COL6A3: variants seen among roughly 807,000 people sequenced by gnomAD.
The protein encoded by COL6A3 is collagen type VI alpha 3 chain, also known as collagen alpha-3(VI) chain.
Under a neutral mutation model 274.1 loss-of-function variants are expected in COL6A3, and 137 were observed. The observed-to-expected ratio is 0.50, with a 90% CI of 0.44 to 0.58. The LOEUF is 0.58. COL6A3 is among the 20% of genes least tolerant of loss of function. The pLI is 0.00. For synonymous variants in COL6A3, 1,650 were observed against 1,650.6 expected (o/e 1.00, Z 0.01); for missense variants, 3,950 against 4,124.9 (o/e 0.96, Z 1.16).
chr2:237,332,117 A>ATATATATATTATATATATATG (rs35490728), intron 42 of COL6A3, among the ~76,000 whole-genome samples: 2 of 64,170 alleles, frequency 3.1e-5, no homozygotes, highest in African/African-American at 4.8e-5. Flanking sequence ...ATATATATAT[A>ATATATATATTATATATATATG]TGAAAAGAAA....
intron 1 of COL6A3, among the ~76,000 whole-genome samples, chr2:237,398,976 C>T (rs1559285018): frequency 6.6e-6 from 1 of 152,174 alleles, no homozygotes; most frequent in Non-Finnish European, 1.5e-5. Flanking sequence ...TTTATCTTTA[C>T]ATTATCCTTA....
chr2:237,368,674 G>A lies in COL6A3; in HGVS notation c.4789C>T (p.Arg1597Ter), dbSNP rs758626447. 9 of 1,614,014 alleles carry A rather than the reference G, an allele frequency of 5.6e-6. No homozygotes were observed. Among genetic ancestry groups the A allele is most frequent in the African/African-American group, 2.7e-5 (2 of 74,890 alleles). ...ATGTTGGGAAGCTCTCTGAACTCTC[G>A]CACTGTGAAGACCAGTCTGGGGTCA... ...TNDPRLVFTVREFRELPNIEE... is the reference protein window; with the variant it reads ...TNDPRLVFTV The change falls in exon 10 of 44, where the codon CGA becomes TGA. Residue 1597 changes from arginine (R) to a stop codon, truncating the protein, a stop_gained. Coordinates refer to ENST00000295550, the MANE Select transcript of COL6A3 (RefSeq NM_004369.4). LOFTEE classifies it high-confidence loss of function. The surrounding 1 kb of genome is among the most constrained non-coding windows in gnomAD (Gnocchi z 4.4).
intron 38 of COL6A3, among the ~76,000 whole-genome samples, chr2:237,339,961 G>A (rs113080252): frequency 6.6e-6 from 1 of 152,116 alleles, no homozygotes; most frequent in African/African-American, 2.4e-5. Flanking sequence ...GCTGAAGTGC[G>A]GTGGAGAGCA....
Position 237,374,951 on chromosome 2 carries a change from A to G in COL6A3, c.3140T>C (p.Leu1047Ser), listed in dbSNP as rs1229508592. The change falls in exon 8 of 44, where the codon TTG becomes TCG. Residue 1047 changes from leucine (L) to serine (S), a missense_variant. By Grantham distance (145) the Leu-to-Ser change is moderately radical (BLOSUM62 -2). Coordinates refer to ENST00000295550, the MANE Select transcript of COL6A3 (RefSeq NM_004369.4). The surrounding 1 kb of genome is among the most constrained non-coding windows in gnomAD (Gnocchi z 4.8). ...CACCACTCTCTGGACAAACTCTTTC[A>G]ACAGAGGGAAGCCGCTCCTGACGCC... The part of the protein sequence containing the change: ...SEGVRSGFPL[L>S]KEFVQRVVES... 6.2e-7 allele frequency: 1 copy of G among 1,613,714 alleles called. No individual in the cohort carries two copies. Among genetic ancestry groups the G allele is most frequent in the African/African-American group, 1.3e-5 (1 of 74,822 alleles).
In COL6A3 at chr2:237,364,826, T is replaced by C. The variant is rs904655743; in HGVS notation, c.5839-398A>G. On this transcript the variant is annotated intron_variant, in intron 12 of 43. Coordinates refer to ENST00000295550, the MANE Select transcript of COL6A3 (RefSeq NM_004369.4). The surrounding 1 kb of genome is among the most constrained non-coding windows in gnomAD (Gnocchi z 4.6). The stretch of plus-strand genomic sequence containing the variant: ...GCATGTGTGTGCACGTGTGTGTGCA[T>C]GTGTGGGTGTGTGGGTGTACATGTG... Among the ~76,000 whole-genome samples the C allele has an allele frequency of 6.7e-6, 1 of 149,392 alleles. No homozygotes were observed. Among genetic ancestry groups the C allele is most frequent in the African/African-American group, 2.5e-5 (1 of 40,478 alleles).
At chr2:237,336,635 T>C in intron 39 of COL6A3, 103 bp from the exon 40 acceptor site, 2 of 1,207,390 alleles carry the variant, frequency 1.7e-6, no homozygotes, top group Admixed American at 1.9e-5. Context: ...GCAAAATGCA[T>C]GCAATAGTTT....
intron 3 of COL6A3, among the ~76,000 whole-genome samples, chr2:237,389,598 A>C (rs1240077112): frequency 1.3e-5 from 2 of 152,188 alleles, no homozygotes; most frequent in Admixed American, 1.3e-4. Context: ...AAAATTGAAG[A>C]GTTCTGCTCT....
chr2:237,390,179 C>T (rs1055309184), intron 3 of COL6A3, among the ~76,000 whole-genome samples: 1 of 152,124 alleles, frequency 6.6e-6, no homozygotes, highest in Non-Finnish European at 1.5e-5. Flanking sequence ...AAAAATGATC[C>T]CTAAGTCGCA....
chr2:237,377,158 C>A lies in COL6A3; in HGVS notation c.2684G>T (p.Ser895Ile). Residue 895 changes from serine to isoleucine, a missense_variant, in exon 7 of 44, where the codon AGT becomes ATT. Around this residue, in one of 5 missense-constraint regions of COL6A3, gnomAD observed 1,934 missense variants for 1,984.3 expected, o/e 0.97. Coordinates refer to ENST00000295550, the MANE Select transcript of COL6A3 (RefSeq NM_004369.4). ...KVESRFDEHQ[S>I]KPEILNLVKR... ...CACAAGATTCAGGATCTCAGGCTTA[C>A]TCTGGTGCTCATCAAAACGGGACTC... The A allele has an allele frequency of 6.2e-7, 1 of 1,614,218 alleles. No homozygotes were observed. Among genetic ancestry groups the A allele is most frequent in the Non-Finnish European group, 8.5e-7 (1 of 1,180,048 alleles).
intron 9 of COL6A3, among the ~76,000 whole-genome samples, chr2:237,369,645 A>C (rs1020809299): frequency 1.3e-5 from 2 of 152,206 alleles, no homozygotes; most frequent in Non-Finnish European, 2.9e-5. Context: ...ACCCCTGAGG[A>C]GCCCAACACC....
chr2:237,351,108 C>T (rs367613015), intron 27 of COL6A3, 22 bp downstream of exon 27: 1 of 1,613,268 alleles, frequency 6.2e-7, no homozygotes, highest in African/African-American at 1.3e-5. Flanking sequence ...CTCAGGAAAG[C>T]TCTACCTTTC....
At chr2:237,376,329 C>A (rs2077839324) in intron 7 of COL6A3, among the ~76,000 whole-genome samples, 1 of 152,144 alleles carries the variant, frequency 6.6e-6, no homozygotes, top group Non-Finnish European at 1.5e-5. Flanking sequence ...AGTTATCTAC[C>A]TCTTCTACTC....
Position 237,352,503 on chromosome 2 carries a change from G to C in COL6A3, c.6753+19C>G, listed in dbSNP as rs768954236. On this transcript the variant is annotated intron_variant, in intron 26 of 43. Coordinates refer to ENST00000295550, the MANE Select transcript of COL6A3 (RefSeq NM_004369.4). ...CCTCTGTTCAGCTAGAGAGGGGGCT[G>C]GTATTAGGACAGGCTTACCCGAGGT... 6.2e-7 allele frequency: 1 copy of C among 1,607,146 alleles called. No individual in the cohort carries two copies. The highest frequency in any genetic ancestry group is 1.1e-5 in the South Asian group (1 of 89,292).
At chr2:237,383,205 G>A (rs907912079) in intron 4 of COL6A3, among the ~76,000 whole-genome samples, 15 of 152,218 alleles carry the variant, frequency 9.9e-5, no homozygotes, top group African/African-American at 3.1e-4. Context: ...GAAGACAGCA[G>A]TGCCTCATCT....
intron 28 of COL6A3, 91 bp downstream of exon 28, chr2:237,350,056 G>T (rs2077173883): frequency 1.7e-6 from 2 of 1,177,468 alleles, no homozygotes; most frequent in African/African-American, 1.5e-5. Context: ...AAGAAGCAAG[G>T]CTCATCTTTA....
intron 1 of COL6A3, among the ~76,000 whole-genome samples, chr2:237,399,853 T>C (rs1384434451): frequency 3.3e-5 from 5 of 152,340 alleles, no homozygotes; most frequent in South Asian, 4.1e-4. Context: ...GTGGGACCCA[T>C]GTCCCTTGAT....
intron 42 of COL6A3, among the ~76,000 whole-genome samples, chr2:237,330,682 G>C (rs1316235393): frequency 1.3e-5 from 2 of 152,112 alleles, no homozygotes; most frequent in Non-Finnish European, 2.9e-5. Context: ...ATCTTATGGA[G>C]GACAAAAAAT....
rs147537071 is a variant in COL6A3 at position 237,353,377 on chromosome 2, C to A, written c.6654G>T (p.Pro2218=). The A allele has an allele frequency of 1.2e-6, 2 of 1,614,164 alleles. No individual in the cohort carries two copies. Among genetic ancestry groups the A allele is most frequent in the Admixed American group, 3.3e-5 (2 of 60,028 alleles). ...TGGTCCCCTGCTCTCCCTCAAAGCC[C>A]GGCTGGCCAGGACCGCCCTTGTTGC... ...AKGNKGGPGQ[P]GFEGEQGTRG... Residue 2218 remains proline (P), a synonymous_variant, in exon 25 of 44, where the codon CCG becomes CCT. Transcript: ENST00000295550.
rs1473234848 is a variant in COL6A3, at chr2:237,413,706, G to T, written c.-31+247C>A. 6.6e-6 allele frequency among the ~76,000 whole-genome samples: 1 copy of T among 152,206 alleles called. No individual in the cohort carries two copies. Among genetic ancestry groups the T allele is most frequent in the Non-Finnish European group, 1.5e-5 (1 of 68,026 alleles). ...GCACAGGGCGCGTGTAGCAGCCACA[G>T]ACACGCGGTGGAAAAGTGCTCACAC... On this transcript the variant is annotated intron_variant, in intron 1 of 43. Coordinates refer to ENST00000295550, the MANE Select transcript of COL6A3 (RefSeq NM_004369.4). This position sits in a 1 kb window ranked among gnomAD's most constrained non-coding sequence, Gnocchi z 4.0.
Sources: allele counts gnomAD v4.1 joint callset (sites outside exome capture counted in the v4.1 genomes callset), GRCh38; gene constraint gnomAD v4.1.1; regional missense constraint gnomAD v4.1.1; non-coding constraint Gnocchi (gnomAD v3.1); transcripts MANE v1.5; gene names NCBI Gene and HGNC (gene_info 2026-07-23, HGNC 2026-07-21).